Variants in INTS6 observed in about 807,000 individuals in gnomAD.
INTS6 encodes the protein DEAD box protein.
INTS6 carries 16 observed loss-of-function variants against 104.9 expected under a neutral mutation model. That is an observed-to-expected ratio of 0.15 (90% CI 0.10 to 0.23). INTS6 has a LOEUF of 0.23. Among genes scored for constraint, INTS6 ranks in the 10% least tolerant of loss-of-function variants. The pLI is 1.00. For synonymous variants in INTS6, 324 were observed against 358.7 expected (o/e 0.90, Z 1.09); for missense variants, 584 against 1,062.8 (o/e 0.55, Z 6.26).
intron 4 of INTS6, among the ~76,000 whole-genome samples, chr13:51,400,448 A>G (rs1956416147): frequency 6.6e-6 from 1 of 152,218 alleles, no homozygotes; most frequent in South Asian, 2.1e-4. Flanking sequence ...TTTCCCACTT[A>G]AAATCAAACC....
chr13:51,395,403 T>C lies in INTS6; in HGVS notation c.510A>G (p.Ala170=), dbSNP rs773115212. 65 of 1,613,798 alleles carry C rather than the reference T, an allele frequency of 4.0e-5. No homozygotes were observed. The highest frequency in any genetic ancestry group is 1.6e-4 in the African/African-American group (12 of 74,892). ...EPFRWDQRLF[A]LVLRLPGTMS... ...TGGTGCCAGGCAACCGCAACACTAA[T>C]GCAAAGAGTCTCTGATCCCAACGAA... The change falls in exon 5 of 18, where the codon GCA becomes GCG. Residue 170 remains alanine (A), a synonymous_variant. Transcript: ENST00000311234.
the INTS6 span, chr13:51,347,044 C>T: frequency 6.3e-7 from 1 of 1,586,760 alleles, no homozygotes; most frequent in South Asian, 1.1e-5. Context: ...CCAGTGAGGG[C>T]CCTGGTGGCT....
chr13:51,449,128 AC>A (rs1410154961), intron 3 of INTS6: 1 of 152,192 alleles, frequency 6.6e-6, no homozygotes, highest in Non-Finnish European at 1.5e-5. Flanking sequence ...TCATTTGAAA[AC>A]AGTGGCTTAT....
chr13:51,364,501 T>G lies in INTS6; in HGVS notation c.*1251A>C. On this transcript the variant is annotated 3_prime_UTR_variant, in exon 18 of 18. Coordinates refer to ENST00000311234, the MANE Select transcript of INTS6 (RefSeq NM_012141.3). ...TATTTTGACCTTCTTTTCTACTGCTTACCCCCCAAACCACTAAAAGGCACA... is the reference window on the plus strand; with the variant it reads ...TATTTTGACCTTCTTTTCTACTGCTGACCCCCCAAACCACTAAAAGGCACA... The G allele has an allele frequency of 2.2e-6, 1 of 446,120 alleles. No homozygotes were observed. Among genetic ancestry groups the G allele is most frequent in the Non-Finnish European group, 4.0e-6 (1 of 252,490 alleles). The allele number at this position is 446,120 out of a possible 1,614,324, so 27.6% of individuals were successfully genotyped here. A position where few individuals can be genotyped will look rare whatever the true frequency, so the allele number is the denominator to read the frequency against.
chr13:51,342,178 C>CAAAAAAAAA, the INTS6 span, among the ~76,000 whole-genome samples: 5 of 63,570 alleles, frequency 7.9e-5, no homozygotes, highest in African/African-American at 2.1e-4. Flanking sequence ...AAAGACAGAA[C>CAAAAAAAAA]AAAAAAAAAA....
Position 51,364,127 on chromosome 13 carries a change from C to T in INTS6, c.*1625G>A. ...CAGGCAATTACCTTAACAATTCCAT[C>T]TATTAAATGTTATCTTGCATTACTT... is the stretch of plus-strand genomic sequence containing the variant. On this transcript the variant is annotated 3_prime_UTR_variant, in exon 18 of 18. Coordinates refer to ENST00000311234, the MANE Select transcript of INTS6 (RefSeq NM_012141.3). The T allele has an allele frequency of 2.1e-6, 1 of 469,734 alleles. No homozygotes were observed. The allele number at this position is 469,734 out of a possible 1,614,324, so 29.1% of individuals were successfully genotyped here. A position where few individuals can be genotyped will look rare whatever the true frequency, so the allele number is the denominator to read the frequency against.
chr13:51,451,883 G>A, intron 2 of INTS6, 95 bp downstream of exon 2: 1 of 779,476 alleles, frequency 1.3e-6, no homozygotes, highest in Non-Finnish European at 2.1e-6. Flanking sequence ...GTGGGGGAGG[G>A]GAGCATAATG....
At chr13:51,347,224 G>C in the INTS6 span, 1 of 1,613,514 alleles carries the variant, frequency 6.2e-7, no homozygotes, top group Non-Finnish European at 8.5e-7. Context: ...AAACGACCGA[G>C]GTCAACTACG....
chr13:51,375,368 A>AG lies in INTS6; in HGVS notation c.1730-573dup, dbSNP rs57688716. ...CTCTGACTCAAAAAAAAAAAAAAAAAGTATGTGTGATCTTACCGTGAAAGA... is the reference window on the plus strand; with the variant it reads ...CTCTGACTCAAAAAAAAAAAAAAAAAGGTATGTGTGATCTTACCGTGAAAGA... On this transcript the variant is annotated intron_variant, in intron 13 of 17. Coordinates refer to ENST00000311234, the MANE Select transcript of INTS6 (RefSeq NM_012141.3). Among the ~76,000 whole-genome samples the AG allele has an allele frequency of 7.0e-4, 105 of 150,492 alleles. 1 individual carries two copies. The highest frequency in any genetic ancestry group is 2.1e-3 in the African/African-American group (84 of 40,684).
At chr13:51,336,673 G>T in the INTS6 span, among the ~76,000 whole-genome samples, 1 of 152,138 alleles carries the variant, frequency 6.6e-6, no homozygotes, top group Non-Finnish European at 1.5e-5. Context: ...GATGCTTTCA[G>T]CCTTTCCTGC....
intron 4 of INTS6, among the ~76,000 whole-genome samples, chr13:51,411,508 G>A (rs1470963887): frequency 6.6e-6 from 1 of 151,210 alleles, no homozygotes; most frequent in Non-Finnish European, 1.5e-5. Flanking sequence ...AGCTGAGATC[G>A]TGCCGTTGCA....
chr13:51,352,410 G>C (rs1955413578), downstream of INTS6, among the ~76,000 whole-genome samples: 1 of 150,466 alleles, frequency 6.6e-6, no homozygotes, highest in Admixed American at 6.6e-5. Flanking sequence ...AAACACAATT[G>C]ATTTTTGTAT....
At chr13:51,440,789 A>G (rs1169836001) in intron 3 of INTS6, 1 of 152,206 alleles carries the variant, frequency 6.6e-6, no homozygotes, top group African/African-American at 2.4e-5. Context: ...CATCTATCCC[A>G]TCTAGGTTTC....
the INTS6 span, among the ~76,000 whole-genome samples, chr13:51,342,217 C>T: frequency 4.0e-5 from 6 of 149,508 alleles, no homozygotes; most frequent in Non-Finnish European, 5.9e-5. Context: ...ATGAGCTCTG[C>T]GGCCTCACGT....
At chr13:51,366,135 C>T (rs1955683213) in intron 17 of INTS6, among the ~76,000 whole-genome samples, 1 of 151,862 alleles carries the variant, frequency 6.6e-6, no homozygotes, top group Admixed American at 6.6e-5. Context: ...AAACAAAAAA[C>T]TAATATATTC....
In INTS6 at chr13:51,452,201, G is replaced by T; in HGVS notation, c.112-146C>A. The T allele has an allele frequency of 2.6e-6, 2 of 777,648 alleles. No individual in the cohort carries two copies. The highest frequency in any genetic ancestry group is 2.1e-5 in the South Asian group (1 of 47,606). 48.2% of individuals were successfully genotyped at this position (777,648 alleles called of 1,614,324 possible). On this transcript the variant is annotated intron_variant, in intron 1 of 17. Transcript: ENST00000311234. The surrounding 1 kb of genome is among the most constrained non-coding windows in gnomAD (Gnocchi z 4.2). ...CCCTCCACGCCGTCCCCCACACACAGATCGCTCCCCACACACCGCCCGGGG... is the reference window on the plus strand; with the variant it reads ...CCCTCCACGCCGTCCCCCACACACATATCGCTCCCCACACACCGCCCGGGG...
downstream of INTS6, among the ~76,000 whole-genome samples, chr13:51,349,528 G>A (rs1035179618): frequency 2.0e-5 from 3 of 152,188 alleles, no homozygotes; most frequent in Admixed American, 6.5e-5. Flanking sequence ...GAAGAGCAGC[G>A]TTCCGTGTCA....
chr13:51,425,815 C>T (rs138091489), intron 4 of INTS6, among the ~76,000 whole-genome samples: 1 of 151,962 alleles, frequency 6.6e-6, no homozygotes, highest in Non-Finnish European at 1.5e-5. Context: ...ACAAACAGTA[C>T]TGAGTATCTG....
intron 4 of INTS6, chr13:51,423,143 T>C (rs1956925436): frequency 2.4e-6 from 2 of 846,120 alleles, no homozygotes; most frequent in Non-Finnish European, 3.2e-6. Flanking sequence ...CCGCTATTCT[T>C]ATACACAGCC....
Sources: allele counts gnomAD v4.1 joint callset (sites outside exome capture counted in the v4.1 genomes callset), GRCh38; gene constraint gnomAD v4.1.1; non-coding constraint Gnocchi (gnomAD v3.1); transcripts MANE v1.5; gene names NCBI Gene and HGNC (gene_info 2026-07-23, HGNC 2026-07-21).